Variants in ZSWIM5 observed in about 807,000 individuals in gnomAD.
ZSWIM5 encodes the protein zinc finger SWIM domain-containing protein 5.
A neutral mutation model predicts 119.6 loss-of-function variants in ZSWIM5; 55 were observed. The ratio of observed to expected loss-of-function variants is 0.46; its 90% CI spans 0.37 to 0.58. The LOEUF (loss-of-function observed/expected upper bound fraction) is 0.58, where lower values mean the gene tolerates loss of function less well. Ranked by LOEUF, ZSWIM5 falls within the 20% of genes least tolerant of loss-of-function variation. The pLI, the probability that ZSWIM5 is intolerant of heterozygous loss-of-function variation, is 0.00. For missense variants in ZSWIM5, 1,193 were observed against 1,512.8 expected (o/e 0.79, Z 3.51); for synonymous variants, 537 against 606.9 (o/e 0.88, Z 1.69).
At chr1:45,128,880 T>C (rs1255393195) in intron 1 of ZSWIM5, among the ~76,000 whole-genome samples, 2 of 152,200 alleles carry the variant, frequency 1.3e-5, no homozygotes, top group East Asian at 3.8e-4. Context: ...GTCATATACT[T>C]GGAATCATAC....
At chr1:45,159,181 A>G (rs1645848540) in intron 1 of ZSWIM5, among the ~76,000 whole-genome samples, 1 of 152,210 alleles carries the variant, frequency 6.6e-6, no homozygotes, top group South Asian at 2.1e-4. Flanking sequence ...TAATAACTTC[A>G]TATAAGTTAG....
At chr1:45,155,534 A>G (rs1412565883) in intron 1 of ZSWIM5, among the ~76,000 whole-genome samples, 1 of 152,014 alleles carries the variant, frequency 6.6e-6, no homozygotes, top group Non-Finnish European at 1.5e-5. Context: ...GTATCTACCC[A>G]GAGGTAAAGA....
At position 45,160,989 on chromosome 1, in the gene ZSWIM5, A is replaced by ATTTTTTTTTTTTTTTTT. The variant is rs534599856; in HGVS notation, c.595+44750_595+44766dup. On this transcript the variant is annotated intron_variant, in intron 1 of 13. Transcript: ENST00000359600. ...AGCGCCTGCCACCATGCCCGGCTAA[A>ATTTTTTTTTTTTTTTTT]TTTTTTTTTTTTTTTTTAGTAGAGA... is the stretch of plus-strand genomic sequence containing the variant. Among the ~76,000 whole-genome samples, 499 of 122,544 alleles carry ATTTTTTTTTTTTTTTTT rather than the reference A, an allele frequency of 4.1e-3. 22 individuals carry two copies. The highest frequency in any genetic ancestry group is 0.018 in the East Asian group (78 of 4,428). The allele number at this position is 122,544 out of a possible 152,430, so 80.4% of individuals were successfully genotyped here. A position where few individuals can be genotyped will look rare whatever the true frequency, so the allele number is the denominator to read the frequency against.
chr1:45,125,444 A>G (rs977256761), intron 1 of ZSWIM5, among the ~76,000 whole-genome samples: 1 of 152,080 alleles, frequency 6.6e-6, no homozygotes, highest in Admixed American at 6.5e-5. Context: ...AGGTAGAGCA[A>G]TGCTGAGAGG....
At chr1:45,148,813 AC>A (rs1645777988) in intron 1 of ZSWIM5, among the ~76,000 whole-genome samples, 1 of 152,262 alleles carries the variant, frequency 6.6e-6, no homozygotes, top group Non-Finnish European at 1.5e-5. Flanking sequence ...TCAAAGGTAG[AC>A]ACTGAACCCT....
At chr1:45,169,657 A>G (rs1346332842) in intron 1 of ZSWIM5, among the ~76,000 whole-genome samples, 1 of 152,074 alleles carries the variant, frequency 6.6e-6, no homozygotes, top group East Asian at 1.9e-4. Context: ...TGCCTACTAT[A>G]AACAAATCCA....
chr1:45,117,960 G>A (rs1333690424), intron 1 of ZSWIM5, among the ~76,000 whole-genome samples: 4 of 152,156 alleles, frequency 2.6e-5, no homozygotes, highest in Non-Finnish European at 4.4e-5. Flanking sequence ...AGTTGTTCAT[G>A]TGGAAGGTGG....
At chr1:45,159,846 C>T (rs1645852928) in intron 1 of ZSWIM5, among the ~76,000 whole-genome samples, 1 of 152,146 alleles carries the variant, frequency 6.6e-6, no homozygotes, top group Non-Finnish European at 1.5e-5. Context: ...ACCTTGGCCT[C>T]CCAAAGTGCT....
At chr1:45,144,599 T>G (rs1645750191) in intron 1 of ZSWIM5, among the ~76,000 whole-genome samples, 2 of 152,126 alleles carry the variant, frequency 1.3e-5, no homozygotes, top group African/African-American at 4.8e-5. Context: ...GCGAGGACAG[T>G]CTTTTCAATA....
chr1:45,132,760 C>G (rs1645665723), intron 1 of ZSWIM5, among the ~76,000 whole-genome samples: 1 of 152,154 alleles, frequency 6.6e-6, no homozygotes, highest in African/African-American at 2.4e-5. Context: ...TATCCCTCCC[C>G]ACTCCCCGCA....
rs78229696 is a variant in ZSWIM5 at position 45,024,239 on chromosome 1, G to A, written c.2450-3451C>T. On this transcript the variant is annotated intron_variant, in intron 11 of 13. Coordinates refer to ENST00000359600, the MANE Select transcript of ZSWIM5 (RefSeq NM_020883.2). The stretch of plus-strand genomic sequence containing the variant: ...GAGTCTCGGTCTTGTCGCCCAGGCT[G>A]GAGTGCAATGGCCGTGATCTGGGCT... 0.032 allele frequency among the ~76,000 whole-genome samples: 4,518 copies of A among 140,092 alleles called. 756 individuals are homozygous for A. In the East Asian group the frequency reaches 0.51, roughly 16 times the overall value. 91.9% of individuals were successfully genotyped at this position (140,092 alleles called of 152,430 possible). A position where few individuals can be genotyped will look rare whatever the true frequency, so the allele number is the denominator to read the frequency against.
rs908559950 is a variant in ZSWIM5, at chr1:45,115,324, GCTC to G, written c.596-27090_596-27088del. On this transcript the variant is annotated intron_variant, in intron 1 of 13. Coordinates refer to ENST00000359600, the MANE Select transcript of ZSWIM5 (RefSeq NM_020883.2). ...ATGGGGCGGCTGGCCGGGTGGAGACGCTCCTCATTTCCCAGACGGGGTGGCTGC... is the reference window on the plus strand; with the variant it reads ...ATGGGGCGGCTGGCCGGGTGGAGACGCTCATTTCCCAGACGGGGTGGCTGC... 8.0e-5 allele frequency among the ~76,000 whole-genome samples: 12 copies of G among 150,930 alleles called. No individual in the cohort carries two copies. In the South Asian group the frequency reaches 8.3e-4, roughly 10 times the overall value.
intron 1 of ZSWIM5, among the ~76,000 whole-genome samples, chr1:45,191,850 A>T (rs1055834148): frequency 2.0e-5 from 3 of 152,158 alleles, no homozygotes; most frequent in African/African-American, 7.2e-5. Flanking sequence ...TGATAGCTTT[A>T]TTATATAATT....
intron 1 of ZSWIM5, among the ~76,000 whole-genome samples, chr1:45,140,348 T>C (rs1378675582): frequency 6.6e-6 from 1 of 152,174 alleles, no homozygotes; most frequent in Non-Finnish European, 1.5e-5. Context: ...CTACAAAACC[T>C]AAAATATTTA....
rs565234240 is a variant in ZSWIM5, at chr1:45,205,330, T to C, written c.595+426A>G. 5.9e-5 allele frequency among the ~76,000 whole-genome samples: 9 copies of C among 152,334 alleles called. No individual in the cohort carries two copies. In the East Asian group the frequency reaches 1.7e-3, roughly 29 times the overall value. On this transcript the variant is annotated intron_variant, in intron 1 of 13. Coordinates refer to ENST00000359600, the MANE Select transcript of ZSWIM5 (RefSeq NM_020883.2). ...TTAATTTCATCGAGACTCAATCGGCTAGGGCTATAGATTGCCTCTGACAGT... is the reference window on the plus strand; with the variant it reads ...TTAATTTCATCGAGACTCAATCGGCCAGGGCTATAGATTGCCTCTGACAGT...
intron 1 of ZSWIM5, among the ~76,000 whole-genome samples, chr1:45,114,168 A>C (rs554987072): frequency 1.2e-3 from 188 of 152,328 alleles, no homozygotes; most frequent in Non-Finnish European, 2.1e-3. Context: ...GCTTCATGGA[A>C]GAAATCAACC....
intron 1 of ZSWIM5, among the ~76,000 whole-genome samples, chr1:45,189,015 T>A (rs1428939197): frequency 6.6e-6 from 1 of 152,210 alleles, no homozygotes; most frequent in Non-Finnish European, 1.5e-5. Context: ...GATGCTATAT[T>A]AGTAATATTT....
At chr1:45,145,729 GCTTA>G (rs1371124948) in intron 1 of ZSWIM5, among the ~76,000 whole-genome samples, 3 of 152,092 alleles carry the variant, frequency 2.0e-5, no homozygotes, top group Non-Finnish European at 4.4e-5. Context: ...CTATGGTATA[GCTTA>G]CTTAAGTTTA....
In ZSWIM5 at chr1:45,048,078, TTC is replaced by T. The variant is rs1412019363; in HGVS notation, c.1432+2994_1432+2995del. Among the ~76,000 whole-genome samples, 92 of 23,554 alleles carry T rather than the reference TTC, an allele frequency of 3.9e-3. 2 individuals carry two copies. Among genetic ancestry groups the T allele is most frequent in the Middle Eastern group, 0.053 (2 of 38 alleles). The allele number at this position is 23,554 out of a possible 152,430, so 15.5% of individuals were successfully genotyped here. ...CTTTCTTTCTTTCTTTCCTTTTCTT[TTC>T]TCTTTTTTTTTTTTTTTTTTTGAGA... is the stretch of plus-strand genomic sequence containing the variant. On this transcript the variant is annotated intron_variant, in intron 5 of 13. Transcript: ENST00000359600.
Sources: allele counts gnomAD v4.1 joint callset (sites outside exome capture counted in the v4.1 genomes callset), GRCh38; gene constraint gnomAD v4.1.1; transcripts MANE v1.5; gene names NCBI Gene and HGNC (gene_info 2026-07-23, HGNC 2026-07-21).